SPTLC3: variants seen among roughly 807,000 people sequenced by gnomAD.
The protein encoded by SPTLC3 is serine palmitoyltransferase long chain base subunit 3.
Under a neutral mutation model 59.3 loss-of-function variants are expected in SPTLC3, and 36 were observed. The ratio of observed to expected loss-of-function variants is 0.61; its 90% CI spans 0.47 to 0.80. The LOEUF is 0.80. Among genes scored for constraint, SPTLC3 ranks in the 30% least tolerant of loss-of-function variants. SPTLC3 has a pLI of 0.00. For synonymous variants in SPTLC3, 257 were observed against 240.8 expected, an observed-to-expected ratio of 1.07 and a Z score of -0.62; for missense variants, 625 against 685.1, an observed-to-expected ratio of 0.91 and a Z score of 0.98.
intron 9 of SPTLC3, among the ~76,000 whole-genome samples, chr20:13,146,209 G>T (rs973276405): frequency 6.6e-6 from 1 of 152,100 alleles, no homozygotes; most frequent in African/African-American, 2.4e-5. Context: ...CTTACTTATA[G>T]GTGGGAGGTA....
chr20:13,070,957 T>C (rs1438867473), intron 2 of SPTLC3, among the ~76,000 whole-genome samples: 3 of 152,170 alleles, frequency 2.0e-5, no homozygotes, highest in African/African-American at 7.2e-5. Flanking sequence ...AATCTCATTC[T>C]GCTTTGGTGT....
chr20:13,033,339 AAGT>A (rs761225099), intron 1 of SPTLC3, among the ~76,000 whole-genome samples: 2 of 152,152 alleles, frequency 1.3e-5, no homozygotes, highest in African/African-American at 2.4e-5. Context: ...TAGTGATAAG[AAGT>A]AGGGTTGGGA....
chr20:13,149,062 C>T lies in SPTLC3; in HGVS notation c.1280-4941C>T, dbSNP rs537213676. ...ATTCCCATTCCACTTAACTCCAAAG[C>T]CTATTCCTTTTCCACTCAACAGCCT... On this transcript the variant is annotated intron_variant, in intron 9 of 11. Transcript: ENST00000399002. Among the ~76,000 whole-genome samples, 131 of 152,298 alleles carry T rather than the reference C, an allele frequency of 8.6e-4. 1 individual carries two copies. Among genetic ancestry groups the T allele is most frequent in the African/African-American group, 3.0e-3 (126 of 41,542 alleles).
At chr20:13,158,932 C>T (rs1600407505) in intron 10 of SPTLC3, among the ~76,000 whole-genome samples, 2 of 152,314 alleles carry the variant, frequency 1.3e-5, no homozygotes, top group East Asian at 3.9e-4. Flanking sequence ...CAGCTTCCAG[C>T]CTAAAATAAT....
chr20:13,161,092 A>T (rs901341364), intron 11 of SPTLC3, among the ~76,000 whole-genome samples: 18 of 152,374 alleles, frequency 1.2e-4, no homozygotes, highest in African/African-American at 4.3e-4. Flanking sequence ...TAGTGGAAAC[A>T]AAAGAAACTA....
intron 1 of SPTLC3, among the ~76,000 whole-genome samples, chr20:13,024,027 G>A (rs767792005): frequency 2.0e-5 from 3 of 152,112 alleles, no homozygotes; most frequent in Non-Finnish European, 4.4e-5. Flanking sequence ...CCATATATGA[G>A]ACGACTTTTA....
intron 1 of SPTLC3, among the ~76,000 whole-genome samples, chr20:13,023,660 G>C (rs527973211): frequency 3.3e-5 from 5 of 152,184 alleles, no homozygotes; most frequent in African/African-American, 1.2e-4. Context: ...TGGACAGCAT[G>C]GCTACTATTT....
At chr20:13,108,044 T>C (rs1017850269) in intron 6 of SPTLC3, among the ~76,000 whole-genome samples, 3 of 152,198 alleles carry the variant, frequency 2.0e-5, no homozygotes, top group Non-Finnish European at 4.4e-5. Flanking sequence ...ATCTTATTCA[T>C]GTCACATGCT....
At chr20:13,058,208 T>G (rs1358349128) in intron 2 of SPTLC3, among the ~76,000 whole-genome samples, 1 of 152,134 alleles carries the variant, frequency 6.6e-6, no homozygotes, top group Admixed American at 6.5e-5. Context: ...AATTATAAAT[T>G]GTTATTTTGC....
chr20:13,050,748 A>G (rs1425411967), intron 2 of SPTLC3: 2 of 152,204 alleles, frequency 1.3e-5, no homozygotes, highest in East Asian at 3.9e-4. Context: ...CCTACAAGCT[A>G]AGACAGAATT....
chr20:13,105,320 G>T (rs1206464780), intron 6 of SPTLC3, among the ~76,000 whole-genome samples: 1 of 151,994 alleles, frequency 6.6e-6, no homozygotes, highest in Non-Finnish European at 1.5e-5. Flanking sequence ...CTGGTGTGTT[G>T]ACCCTGGGGG....
At chr20:13,139,407 C>T (rs541946078) in intron 9 of SPTLC3, among the ~76,000 whole-genome samples, 1 of 152,262 alleles carries the variant, frequency 6.6e-6, no homozygotes, top group Admixed American at 6.5e-5. Context: ...TTTTTCCTAA[C>T]ATAAAGTCCA....
At chr20:13,010,851 C>T (rs1985203065) in intron 1 of SPTLC3, among the ~76,000 whole-genome samples, 1 of 152,144 alleles carries the variant, frequency 6.6e-6, no homozygotes, top group South Asian at 2.1e-4. Context: ...GTTTTATAAT[C>T]ACATTCGAGG....
intron 1 of SPTLC3, among the ~76,000 whole-genome samples, chr20:13,009,894 G>C (rs960797327): frequency 2.0e-5 from 3 of 152,196 alleles, no homozygotes; most frequent in Non-Finnish European, 4.4e-5. Flanking sequence ...CTCACTACTT[G>C]ATTTGAGGCC....
chr20:13,016,676 G>T (rs1281342682), intron 1 of SPTLC3, among the ~76,000 whole-genome samples: 1 of 152,066 alleles, frequency 6.6e-6, no homozygotes, highest in Non-Finnish European at 1.5e-5. Flanking sequence ...GTTGTCTAAG[G>T]TATCAATAAT....
chr20:13,112,904 C>A (rs1339495109), intron 7 of SPTLC3, among the ~76,000 whole-genome samples: 1 of 152,150 alleles, frequency 6.6e-6, no homozygotes, highest in Non-Finnish European at 1.5e-5. Context: ...CCCATAAGGC[C>A]AGGTGCAGTG....
intron 10 of SPTLC3, among the ~76,000 whole-genome samples, chr20:13,156,635 T>A (rs140065386): frequency 1.2e-4 from 18 of 152,324 alleles, no homozygotes; most frequent in African/African-American, 3.6e-4. Flanking sequence ...ACCTCTTATA[T>A]AAGAGCTATT....
At chr20:13,115,760 C>T (rs1228579103) in intron 7 of SPTLC3, among the ~76,000 whole-genome samples, 1 of 152,056 alleles carries the variant, frequency 6.6e-6, no homozygotes, top group African/African-American at 2.4e-5. Context: ...AGGGCCGTAA[C>T]GATTCACTAA....
At chr20:13,029,168 T>C (rs947075238) in intron 1 of SPTLC3, among the ~76,000 whole-genome samples, 1 of 152,156 alleles carries the variant, frequency 6.6e-6, no homozygotes, top group African/African-American at 2.4e-5. Context: ...TGGCCTTTTC[T>C]TTAAGAATCC....
Sources: allele counts gnomAD v4.1 joint callset (sites outside exome capture counted in the v4.1 genomes callset), GRCh38; gene constraint gnomAD v4.1.1; transcripts MANE v1.5; gene names NCBI Gene and HGNC (gene_info 2026-07-23, HGNC 2026-07-21).